TSPAN18: variants seen among roughly 807,000 people sequenced by gnomAD.
The protein encoded by TSPAN18 is tetraspanin-18.
TSPAN18 carries 14 observed loss-of-function variants against 27.3 expected under a neutral mutation model. The ratio of observed to expected loss-of-function variants is 0.51; its 90% CI spans 0.34 to 0.80. TSPAN18 has a LOEUF of 0.80. TSPAN18 is among the 30% of genes least tolerant of loss of function. The pLI is 0.01. For synonymous variants in TSPAN18, 143 were observed against 136.5 expected (o/e 1.05, Z -0.33); for missense variants, 268 against 323.9 (o/e 0.83, Z 1.32).
intron 1 of TSPAN18, among the ~76,000 whole-genome samples, chr11:44,745,917 C>A (rs1855063874): frequency 6.6e-6 from 1 of 152,174 alleles, no homozygotes; most frequent in Non-Finnish European, 1.5e-5. Flanking sequence ...GTCCCAGCTA[C>A]TTGGGAGGCT....
chr11:44,912,141 C>T (rs1292115079), intron 5 of TSPAN18, among the ~76,000 whole-genome samples: 1 of 152,034 alleles, frequency 6.6e-6, no homozygotes, highest in Admixed American at 6.6e-5. Context: ...CCCACCTCAG[C>T]CCCCCGAGTA....
At chr11:44,836,656 G>A (rs7125161) in intron 2 of TSPAN18, among the ~76,000 whole-genome samples, 28,085 of 152,222 alleles carry the variant, frequency 0.18, 3,461 homozygotes, top group Non-Finnish European at 0.28. Flanking sequence ...CTAGAGAGAA[G>A]TCAATGTCTG....
chr11:44,897,658 A>T, intron 3 of TSPAN18: 1 of 737,138 alleles, frequency 1.4e-6, no homozygotes, highest in Non-Finnish European at 2.0e-6. Context: ...GAGTGTGTGT[A>T]TCTGGAGGGC....
chr11:44,776,202 C>T (rs1315938190), intron 2 of TSPAN18, among the ~76,000 whole-genome samples: 1 of 152,162 alleles, frequency 6.6e-6, no homozygotes, highest in Admixed American at 6.5e-5. Flanking sequence ...TGCCCAGCCA[C>T]CCTGGGCCGG....
intron 1 of TSPAN18, among the ~76,000 whole-genome samples, chr11:44,734,792 T>G (rs1590400698): frequency 6.6e-6 from 1 of 152,170 alleles, no homozygotes; most frequent in African/African-American, 2.4e-5. Flanking sequence ...CACCCCACCC[T>G]GTGTTGCTGC....
chr11:44,774,279 G>A (rs529620060), intron 2 of TSPAN18, among the ~76,000 whole-genome samples: 1 of 152,330 alleles, frequency 6.6e-6, no homozygotes, highest in African/African-American at 2.4e-5. Flanking sequence ...GAAGGAGGGG[G>A]CAGAGCCCAG....
intron 1 of TSPAN18, among the ~76,000 whole-genome samples, chr11:44,734,871 G>A (rs971515828): frequency 6.6e-6 from 1 of 152,206 alleles, no homozygotes; most frequent in Non-Finnish European, 1.5e-5. Context: ...CCTGCTGCCT[G>A]ACATTTAGGG....
intron 5 of TSPAN18, among the ~76,000 whole-genome samples, chr11:44,915,244 C>T (rs569118183): frequency 4.9e-4 from 74 of 152,286 alleles, no homozygotes; most frequent in African/African-American, 1.6e-3. Flanking sequence ...GTAATGGAAG[C>T]GGATGGCCAT....
At chr11:44,782,485 A>G (rs568235229) in intron 2 of TSPAN18, among the ~76,000 whole-genome samples, 5 of 151,478 alleles carry the variant, frequency 3.3e-5, no homozygotes, top group African/African-American at 1.2e-4. Flanking sequence ...AGAGGTTGCA[A>G]TGAGCAGAGA....
chr11:44,897,452 T>G (rs993086590), intron 3 of TSPAN18, among the ~76,000 whole-genome samples: 1 of 152,220 alleles, frequency 6.6e-6, no homozygotes, highest in Non-Finnish European at 1.5e-5. Context: ...CAGCCTCATG[T>G]GCAGCCGTGT....
intron 3 of TSPAN18, among the ~76,000 whole-genome samples, chr11:44,879,404 T>C (rs1454853876): frequency 2.0e-5 from 3 of 152,176 alleles, no homozygotes; most frequent in Admixed American, 1.3e-4. Context: ...AAGAAAACAT[T>C]GCTGGAGATC....
intron 5 of TSPAN18, 35 bp downstream of exon 5, chr11:44,909,934 C>A: frequency 6.3e-7 from 1 of 1,575,830 alleles, no homozygotes; most frequent in Non-Finnish European, 8.6e-7. Flanking sequence ...TCCATGGGTG[C>A]TCTGAGGGGT....
intron 3 of TSPAN18, among the ~76,000 whole-genome samples, chr11:44,892,959 C>T (rs972300957): frequency 6.6e-6 from 1 of 152,178 alleles, no homozygotes; most frequent in Non-Finnish European, 1.5e-5. Flanking sequence ...GAGGCTGCCT[C>T]AATTGGTGGG....
intron 3 of TSPAN18, among the ~76,000 whole-genome samples, chr11:44,864,473 G>A (rs1359881174): frequency 6.6e-6 from 1 of 152,114 alleles, no homozygotes; most frequent in Non-Finnish European, 1.5e-5. Context: ...TGGATAGGAT[G>A]CTCAGGGTCC....
At chr11:44,795,093 C>T (rs1856318931) in intron 2 of TSPAN18, among the ~76,000 whole-genome samples, 2 of 149,162 alleles carry the variant, frequency 1.3e-5, no homozygotes, top group African/African-American at 4.9e-5. Context: ...CCCCCACCCC[C>T]GGGGTCTTCC....
chr11:44,762,717 T>TC (rs1370255282), intron 1 of TSPAN18, among the ~76,000 whole-genome samples: 3 of 151,956 alleles, frequency 2.0e-5, no homozygotes, highest in Non-Finnish European at 2.9e-5. Context: ...ATGCATGAGG[T>TC]CCCCCTGCGC....
intron 2 of TSPAN18, among the ~76,000 whole-genome samples, chr11:44,815,975 G>A (rs1312311764): frequency 1.3e-5 from 2 of 152,206 alleles, no homozygotes; most frequent in Non-Finnish European, 2.9e-5. Flanking sequence ...CAAAATCAGT[G>A]TCCGTGTGCA....
chr11:44,897,455 A>G (rs570791607), intron 3 of TSPAN18, among the ~76,000 whole-genome samples: 145 of 152,332 alleles, frequency 9.5e-4, no homozygotes, highest in Admixed American at 2.2e-3. Context: ...CCTCATGTGC[A>G]GCCGTGTCAG....
Position 44,932,270 on chromosome 11 carries a change from C to T in TSPAN18, c.*3092C>T, listed in dbSNP as rs1565036670. 6.9e-6 allele frequency: 1 copy of T among 145,796 alleles called. No individual in the cohort carries two copies. Among genetic ancestry groups the T allele is most frequent in the Non-Finnish European group, 1.6e-5 (1 of 64,476 alleles). The allele number at this position is 145,796 out of a possible 1,614,324, so 9.0% of individuals were successfully genotyped here. ...CGTAGATTGCAGAGCTAATTTATCA[C>T]GTTTCTCTCCTGTGAGACCCCCCTT... On this transcript the variant is annotated 3_prime_UTR_variant, in exon 10 of 10. Coordinates refer to ENST00000520358, the MANE Select transcript of TSPAN18 (RefSeq NM_130783.5).
Sources: allele counts gnomAD v4.1 joint callset (sites outside exome capture counted in the v4.1 genomes callset), GRCh38; gene constraint gnomAD v4.1.1; transcripts MANE v1.5; gene names NCBI Gene and HGNC (gene_info 2026-07-23, HGNC 2026-07-21).